Variants in AKAP7 observed in about 807,000 individuals in gnomAD.
AKAP7 encodes A-kinase anchoring protein 7, also known as A kinase (PRKA) anchor protein 7.
A neutral mutation model predicts 39.5 loss-of-function variants in AKAP7; 39 were observed. That is an observed-to-expected ratio of 0.99 (90% CI 0.76 to 1.29). AKAP7 has a LOEUF of 1.29. AKAP7 is among the 50% of genes most tolerant of loss of function. The pLI is 0.00. For synonymous variants in AKAP7, 140 were observed against 139.1 expected (o/e 1.01, Z -0.05); for missense variants, 414 against 407.7 (o/e 1.02, Z -0.13).
intron 5 of AKAP7, chr6:131,184,936 C>G (rs1329282873): frequency 1.7e-5 from 14 of 814,686 alleles, no homozygotes; most frequent in Non-Finnish European, 3.1e-5. Context: ...ACACCTTTAC[C>G]CTTGGATTAC....
intron 5 of AKAP7, among the ~76,000 whole-genome samples, chr6:131,195,432 G>A (rs1286024803): frequency 6.6e-6 from 1 of 151,992 alleles, no homozygotes; most frequent in Non-Finnish European, 1.5e-5. Context: ...TTGGTTCATT[G>A]TTTAATATTT....
At chr6:131,170,514 CCTTTT>C (rs1449620751) in intron 5 of AKAP7, among the ~76,000 whole-genome samples, 1 of 152,102 alleles carries the variant, frequency 6.6e-6, no homozygotes, top group Non-Finnish European at 1.5e-5. Flanking sequence ...GTGTTTACTT[CCTTTT>C]ATTTTCCCAA....
chr6:131,186,275 C>T (rs894412574), intron 5 of AKAP7, among the ~76,000 whole-genome samples: 1 of 152,042 alleles, frequency 6.6e-6, no homozygotes, highest in Admixed American at 6.6e-5. Flanking sequence ...TGCTCCCACC[C>T]TGTGAGATGC....
At chr6:131,220,689 G>A (rs1355742085) in intron 7 of AKAP7, among the ~76,000 whole-genome samples, 1 of 152,108 alleles carries the variant, frequency 6.6e-6, no homozygotes, top group African/African-American at 2.4e-5. Flanking sequence ...TAGCAACCCT[G>A]TATCAATTGT....
At chr6:131,196,267 C>CT (rs199967369) in intron 5 of AKAP7, among the ~76,000 whole-genome samples, 66,153 of 133,816 alleles carry the variant, frequency 0.49, 16,906 homozygotes, top group East Asian at 0.69. Flanking sequence ...ATGTCAGTTG[C>CT]TTTTTTTTTT....
intron 5 of AKAP7, among the ~76,000 whole-genome samples, chr6:131,182,243 A>G (rs193298805): frequency 2.0e-5 from 3 of 152,298 alleles, no homozygotes; most frequent in East Asian, 3.9e-4. Flanking sequence ...TGTGCAACCA[A>G]TCTACGGAAT....
chr6:131,258,347 C>A (rs554932559), intron 7 of AKAP7, among the ~76,000 whole-genome samples: 1 of 152,238 alleles, frequency 6.6e-6, no homozygotes, highest in Admixed American at 6.6e-5. Context: ...ACGTAAAAAG[C>A]CAAGATAAAG....
rs367635335 is a variant in AKAP7 at position 131,159,340 on chromosome 6, G to A, written c.152-719G>A. On this transcript the variant is annotated intron_variant, in intron 2 of 7. Coordinates refer to ENST00000431975, the MANE Select transcript of AKAP7 (RefSeq NM_016377.4). Reference sequence around the variant, plus strand: ...GATCTCCTGACCTCGTGATTCGCCCGCCTCGGCCTCCCAAAGTGCTGGGAT... The same window carrying A: ...GATCTCCTGACCTCGTGATTCGCCCACCTCGGCCTCCCAAAGTGCTGGGAT... 1.8e-4 allele frequency among the ~76,000 whole-genome samples: 28 copies of A among 152,136 alleles called. No individual in the cohort carries two copies. In the East Asian group the frequency reaches 3.7e-3, roughly 20 times the overall value.
At chr6:131,158,734 TG>T (rs756006624) in intron 2 of AKAP7, among the ~76,000 whole-genome samples, 1 of 152,100 alleles carries the variant, frequency 6.6e-6, no homozygotes, top group Non-Finnish European at 1.5e-5. Flanking sequence ...CTCACACTCC[TG>T]ACCTCAAGTG....
At chr6:131,230,571 G>A (rs1012714359) in intron 7 of AKAP7, among the ~76,000 whole-genome samples, 1 of 152,110 alleles carries the variant, frequency 6.6e-6, no homozygotes, top group East Asian at 1.9e-4. Flanking sequence ...AGTTTTTGCT[G>A]TGCAGAAGTC....
chr6:131,188,118 T>TA (rs1806046994), intron 5 of AKAP7, among the ~76,000 whole-genome samples: 1 of 152,244 alleles, frequency 6.6e-6, no homozygotes, highest in African/African-American at 2.4e-5. Flanking sequence ...GAATGACACT[T>TA]AAAAATTCTA....
rs67550717 is a variant in AKAP7, at chr6:131,173,200, C to CA, written c.589+3943dup. ...TAGGTGACAGAGCGAGACTCCATCT[C>CA]AAAAAAAAAAAAAAAAGAAAAAAGA... On this transcript the variant is annotated intron_variant, in intron 5 of 7. Transcript: ENST00000431975. Among the ~76,000 whole-genome samples, 132 of 108,846 alleles carry CA rather than the reference C, an allele frequency of 1.2e-3. 1 individual carries two copies. The highest frequency in any genetic ancestry group is 3.0e-3 in the African/African-American group (85 of 28,302). The allele number at this position is 108,846 out of a possible 152,430, so 71.4% of individuals were successfully genotyped here. A position where few individuals can be genotyped will look rare whatever the true frequency, so the allele number is the denominator to read the frequency against.
Position 131,219,749 on chromosome 6 carries a change from C to G in AKAP7, c.791C>G (p.Ser264Cys). 1 of 1,596,438 alleles carries G rather than the reference C, an allele frequency of 6.3e-7. No individual in the cohort carries two copies. Among genetic ancestry groups the G allele is most frequent in the Non-Finnish European group, 8.5e-7 (1 of 1,172,042 alleles). ...ATATTATATCGCATAGATCTTTGCT[C>G]CATGCTGAAGAAAAAACAAAGTAAT... Reference protein sequence around the residue: ...EEILYRIDLCSMLKKKQSNGY... With the variant: ...EEILYRIDLCCMLKKKQSNGY... The change falls in exon 7 of 8, where the codon TCC becomes TGC. Residue 264 changes from serine to cysteine, a missense_variant. Coordinates refer to ENST00000431975, the MANE Select transcript of AKAP7 (RefSeq NM_016377.4).
intron 5 of AKAP7, among the ~76,000 whole-genome samples, chr6:131,177,723 G>A (rs1804721898): frequency 6.6e-6 from 1 of 152,206 alleles, no homozygotes; most frequent in African/African-American, 2.4e-5. Context: ...TAAGTAATTT[G>A]TTAGTGAGTA....
chr6:131,251,733 A>G (rs1310040909), intron 7 of AKAP7, among the ~76,000 whole-genome samples: 1 of 152,218 alleles, frequency 6.6e-6, no homozygotes, highest in African/African-American at 2.4e-5. Context: ...TCTAAATTTT[A>G]CTTGTGAAAG....
chr6:131,263,194 A>T (rs1490372955), intron 7 of AKAP7, among the ~76,000 whole-genome samples: 3 of 152,206 alleles, frequency 2.0e-5, no homozygotes, highest in Non-Finnish European at 4.4e-5. Context: ...TGCAAACAAC[A>T]TGAAAGGGGT....
intron 5 of AKAP7, among the ~76,000 whole-genome samples, chr6:131,170,792 T>G (rs1318984067): frequency 6.6e-6 from 1 of 152,230 alleles, no homozygotes; most frequent in African/African-American, 2.4e-5. Context: ...ACAGATTAAT[T>G]GTTAGAATGA....
intron 5 of AKAP7, among the ~76,000 whole-genome samples, chr6:131,183,558 C>T (rs1340492539): frequency 6.6e-6 from 1 of 152,088 alleles, no homozygotes; most frequent in Admixed American, 6.5e-5. Flanking sequence ...TCCTTCCCCT[C>T]TCCCCACAAA....
At chr6:131,167,646 A>G (rs1016979868) in intron 4 of AKAP7, among the ~76,000 whole-genome samples, 7 of 152,178 alleles carry the variant, frequency 4.6e-5, no homozygotes, top group Admixed American at 2.0e-4. Flanking sequence ...TGACATTTAC[A>G]TAGATATACT....
Sources: allele counts gnomAD v4.1 joint callset (sites outside exome capture counted in the v4.1 genomes callset), GRCh38; gene constraint gnomAD v4.1.1; transcripts MANE v1.5; gene names NCBI Gene and HGNC (gene_info 2026-07-23, HGNC 2026-07-21).